CIB3: variants seen among roughly 807,000 people sequenced by gnomAD.
CIB3 encodes the protein calcium and integrin-binding family member 3.
In CIB3, 22 loss-of-function variants were observed where a neutral mutation model predicts 23.4. The ratio of observed to expected loss-of-function variants is 0.94; its 90% CI spans 0.67 to 1.34. The LOEUF is 1.34. CIB3 is among the 40% of genes most tolerant of loss of function. The pLI is 0.00. For missense variants in CIB3, 258 were observed against 247.3 expected (o/e 1.04, Z -0.29); for synonymous variants, 93 against 95.8 (o/e 0.97, Z 0.17).
At chr19:16,161,638 A>G (rs1270638393) in intron 5 of CIB3, 152 bp from the exon 6 acceptor site, 3 of 619,114 alleles carry the variant, frequency 4.8e-6, no homozygotes, top group South Asian at 1.8e-5. Context: ...AGACCCCTAC[A>G]GGGGCTGAGA....
chr19:16,163,255 T>C (rs944363789), intron 5 of CIB3, among the ~76,000 whole-genome samples: 1 of 152,062 alleles, frequency 6.6e-6, no homozygotes, highest in African/African-American at 2.4e-5. Context: ...TGAGACCCTG[T>C]CTCAAAACAA....
intron 4 of CIB3, among the ~76,000 whole-genome samples, chr19:16,167,072 T>C (rs1208375021): frequency 6.6e-6 from 1 of 151,986 alleles, no homozygotes; most frequent in East Asian, 1.9e-4. Flanking sequence ...AAAAAATTAG[T>C]CAGGCGTTGT....
At chr19:16,165,732 C>T (rs766271828) in intron 4 of CIB3, among the ~76,000 whole-genome samples, 1 of 152,118 alleles carries the variant, frequency 6.6e-6, no homozygotes, top group African/African-American at 2.4e-5. Context: ...TGGAAGCCAC[C>T]ACACCCAACC....
rs11881947 is a variant in CIB3 at position 16,167,241 on chromosome 19, C to T, written c.346+896G>A. Reference sequence around the variant, plus strand: ...GTCTCACAAAAAAAAAACACACACACAAAAAAAACAAGTATTTATTGAGTG... The same window carrying T: ...GTCTCACAAAAAAAAAACACACACATAAAAAAAACAAGTATTTATTGAGTG... On this transcript the variant is annotated intron_variant, in intron 4 of 5. Coordinates refer to ENST00000269878, the MANE Select transcript of CIB3 (RefSeq NM_054113.4). 3.3e-5 allele frequency among the ~76,000 whole-genome samples: 5 copies of T among 151,740 alleles called. No individual in the cohort carries two copies. In the East Asian group the frequency reaches 9.7e-4, roughly 29 times the overall value.
Position 16,173,466 on chromosome 19 carries a change from T to G in CIB3, c.10A>C (p.Lys4Gln). MGN[K>Q]QTVFTHEQLE... Reference sequence around the variant, plus strand: ...TGCTCGTGTGTGAAGACTGTCTGCTTGTTGCCCATGGTGTGAACCACAGCC... The same window carrying G: ...TGCTCGTGTGTGAAGACTGTCTGCTGGTTGCCCATGGTGTGAACCACAGCC... The change falls in exon 1 of 6, where the codon AAG (lysine) becomes CAG (glutamine). Residue 4 changes from lysine to glutamine, a missense_variant. Lys to Gln is a moderately conservative substitution (Grantham distance 53). Transcript: ENST00000269878. The G allele has an allele frequency of 6.2e-7, 1 of 1,614,080 alleles. No individual in the cohort carries two copies. Among genetic ancestry groups the G allele is most frequent in the Non-Finnish European group, 8.5e-7 (1 of 1,179,972 alleles).
chr19:16,173,321 C>T lies in CIB3; in HGVS notation c.51+104G>A, dbSNP rs141281389. 3.0e-4 allele frequency: 471 copies of T among 1,562,796 alleles called. 1 individual carries two copies. In the African/African-American group the frequency reaches 5.5e-3, roughly 18 times the overall value. Reference sequence around the variant, plus strand: ...GCCACACACAGAGCAGAACCAGGAACCCAGGCGGACGGTACACCCAGATGA... The same window carrying T: ...GCCACACACAGAGCAGAACCAGGAATCCAGGCGGACGGTACACCCAGATGA... On this transcript the variant is annotated intron_variant, in intron 1 of 5. Coordinates refer to ENST00000269878, the MANE Select transcript of CIB3 (RefSeq NM_054113.4).
intron 4 of CIB3, among the ~76,000 whole-genome samples, chr19:16,167,206 G>A (rs2091309381): frequency 6.6e-6 from 1 of 151,144 alleles, no homozygotes; most frequent in African/African-American, 2.5e-5. Flanking sequence ...GGGGGACAGA[G>A]CAAGACTTTG....
At chr19:16,168,056 T>G in intron 4 of CIB3, 81 bp downstream of exon 4, 1 of 1,511,130 alleles carries the variant, frequency 6.6e-7, no homozygotes. Context: ...TGGGGAGATA[T>G]TTGTGATGTG....
chr19:16,164,365 T>G (rs1377809408), intron 5 of CIB3, among the ~76,000 whole-genome samples: 1 of 152,200 alleles, frequency 6.6e-6, no homozygotes. Flanking sequence ...AGGCTTTGGG[T>G]CAGACTGGCC....
At chr19:16,172,683 C>T (rs1214640590) in intron 2 of CIB3, among the ~76,000 whole-genome samples, 1 of 152,026 alleles carries the variant, frequency 6.6e-6, no homozygotes, top group Non-Finnish European at 1.5e-5. Flanking sequence ...GGCATGGTGG[C>T]TCACACCTGT....
chr19:16,164,980 A>T, intron 4 of CIB3, 67 bp from the exon 5 acceptor site: 1 of 1,331,714 alleles, frequency 7.5e-7, no homozygotes, highest in South Asian at 1.2e-5. Context: ...GTGGGCACAT[A>T]CTGTGCCCAT....
At chr19:16,169,775 G>T (rs1302121771) in intron 2 of CIB3, 34 bp from the exon 3 acceptor site, 26 of 1,535,360 alleles carry the variant, frequency 1.7e-5, no homozygotes, top group Non-Finnish European at 2.2e-5. Context: ...GGAAAGACTG[G>T]GAGCAGGGAG....
Position 16,169,714 on chromosome 19 carries a change from G to A in CIB3, c.114C>T (p.Ala38=), listed in dbSNP as rs781777652. The A allele has an allele frequency of 5.6e-6, 9 of 1,612,190 alleles. No homozygotes were observed. The highest frequency in any genetic ancestry group is 7.6e-6 in the Non-Finnish European group (9 of 1,179,172). Residue 38 remains alanine (A), a synonymous_variant, in exon 3 of 6, where the codon GCC becomes GCT. Coordinates refer to ENST00000269878, the MANE Select transcript of CIB3 (RefSeq NM_054113.4). ...MRLFYRYQDL[A]PQLVPLDYTT... is the part of the protein sequence containing the mutation. Reference sequence around the variant, plus strand: ...TATAGTCGAGGGGCACGAGCTGTGGGGCCAGGTCCTGGTAGCGATAGAAGA... The same window carrying A: ...TATAGTCGAGGGGCACGAGCTGTGGAGCCAGGTCCTGGTAGCGATAGAAGA...
In CIB3 at chr19:16,171,184, GAAGA is replaced by G. The variant is rs1265888256; in HGVS notation, c.87-1447_87-1444del. 5.3e-5 allele frequency among the ~76,000 whole-genome samples: 8 copies of G among 151,448 alleles called. No individual in the cohort carries two copies. The East Asian group carries it at 1.5e-3, about 29-fold the overall frequency. The stretch of plus-strand genomic sequence containing the variant: ...AAAAATAAAAAAGAAAGAAAGAAAA[GAAGA>G]AAGAAAGAAAAAAAAGGAGGGATTC... On this transcript the variant is annotated intron_variant, in intron 2 of 5. Transcript: ENST00000269878.
intron 4 of CIB3, among the ~76,000 whole-genome samples, chr19:16,165,292 CAAAAAAA>C (rs71178645): frequency 8.8e-5 from 7 of 79,996 alleles, no homozygotes; most frequent in Non-Finnish European, 1.3e-4. Flanking sequence ...AAACTCCGTC[CAAAAAAA>C]AAAAAAAAAA....
chr19:16,164,832 T>G lies in CIB3; in HGVS notation c.428A>C (p.Glu143Ala). 1 of 1,613,974 alleles carries G rather than the reference T, an allele frequency of 6.2e-7. No homozygotes were observed. Among genetic ancestry groups the G allele is most frequent in the African/African-American group, 1.3e-5 (1 of 74,996 alleles). The change falls in exon 5 of 6, where the codon GAG becomes GCG. Residue 143 changes from glutamate to alanine, a missense_variant. Glu to Ala is a moderately radical substitution (Grantham distance 107). Coordinates refer to ENST00000269878, the MANE Select transcript of CIB3 (RefSeq NM_054113.4). ...TKLTRGGLSA[E>A]EVSLVCEKVL... ...CTTCTCACATACCAGGCTCACCTCC[T>G]CGGCACTCAGCCCCCCCCGCGTCAG...
intron 4 of CIB3, 37 bp downstream of exon 4, chr19:16,168,100 A>G (rs1418495309): frequency 7.9e-7 from 1 of 1,264,566 alleles, no homozygotes; most frequent in East Asian, 3.3e-5. Flanking sequence ...TCCCCACCCC[A>G]TCCCCATGCT....
At position 16,173,439 on chromosome 19, in the gene CIB3, G is replaced by C; in HGVS notation, c.37C>G (p.Leu13Val). The C allele has an allele frequency of 1.2e-6, 2 of 1,614,012 alleles. No homozygotes were observed. Among genetic ancestry groups the C allele is most frequent in the Non-Finnish European group, 1.7e-6 (2 of 1,179,904 alleles). ...NKQTVFTHEQ[L>V]EAYQDCTFFT... ...CCCCCCTCTACCTGATACGCTTCCA[G>C]CTGCTCGTGTGTGAAGACTGTCTGC... Residue 13 changes from leucine to valine, a missense_variant, in exon 1 of 6, where the codon CTG becomes GTG. By Grantham distance (32) the Leu-to-Val change is conservative. Coordinates refer to ENST00000269878, the MANE Select transcript of CIB3 (RefSeq NM_054113.4).
intron 3 of CIB3, among the ~76,000 whole-genome samples, chr19:16,168,809 T>A (rs921070286): frequency 6.6e-6 from 1 of 152,186 alleles, no homozygotes; most frequent in African/African-American, 2.4e-5. Flanking sequence ...GTTCCAGCTG[T>A]ACCTGACACT....
Sources: allele counts gnomAD v4.1 joint callset (sites outside exome capture counted in the v4.1 genomes callset), GRCh38; gene constraint gnomAD v4.1.1; transcripts MANE v1.5; gene names NCBI Gene and HGNC (gene_info 2026-07-23, HGNC 2026-07-21).